CTNNA2: variants seen among roughly 807,000 people sequenced by gnomAD.
CTNNA2 encodes catenin alpha 2.
CTNNA2 carries 42 observed loss-of-function variants against 101.0 expected under a neutral mutation model. The ratio of observed to expected loss-of-function variants is 0.42; its 90% confidence interval spans 0.32 to 0.54. CTNNA2 has a LOEUF of 0.54. Ranked by LOEUF, CTNNA2 falls within the 20% of genes least tolerant of loss-of-function variation. CTNNA2 has a pLI of 0.14. For synonymous variants in CTNNA2, 450 were observed against 456.4 expected (o/e 0.99, Z 0.18); for missense variants, 871 against 1,223.1 (o/e 0.71, Z 4.29).
chr2:80,385,348 G>A (rs1391985789), intron 7 of CTNNA2, among the ~76,000 whole-genome samples: 1 of 152,070 alleles, frequency 6.6e-6, no homozygotes, highest in African/African-American at 2.4e-5. Context: ...AGACCCCAGA[G>A]GACTCCCTTG....
intron 12 of CTNNA2, among the ~76,000 whole-genome samples, chr2:80,570,691 T>A (rs1380167368): frequency 3.3e-5 from 5 of 152,118 alleles, no homozygotes; most frequent in African/African-American, 9.7e-5. Flanking sequence ...AATAAAGAAC[T>A]TGTACCCTCT....
intron 7 of CTNNA2, among the ~76,000 whole-genome samples, chr2:80,354,120 G>A (rs186065133): frequency 8.5e-5 from 13 of 152,228 alleles, no homozygotes; most frequent in African/African-American, 1.9e-4. Context: ...CTTCTTAACC[G>A]TCAACTAATG....
intron 7 of CTNNA2, among the ~76,000 whole-genome samples, chr2:80,325,296 G>A (rs1679141210): frequency 6.6e-6 from 1 of 152,126 alleles, no homozygotes; most frequent in South Asian, 2.1e-4. Context: ...AGGATTTATA[G>A]CTATGGAAAG....
chr2:80,259,646 A>G (rs17339947), intron 7 of CTNNA2, among the ~76,000 whole-genome samples: 8,954 of 152,280 alleles, frequency 0.059, 444 homozygotes, highest in South Asian at 0.28. Flanking sequence ...TGGGACATAA[A>G]GCAACTCAAG....
At chr2:79,666,694 A>G (rs1182183558) in intron 2 of CTNNA2, among the ~76,000 whole-genome samples, 3 of 152,210 alleles carry the variant, frequency 2.0e-5, no homozygotes, top group East Asian at 1.9e-4. Flanking sequence ...CTAGGTTGCA[A>G]AGTGGCTAAG....
At chr2:79,653,320 G>T (rs1417641620) in intron 2 of CTNNA2, among the ~76,000 whole-genome samples, 1 of 152,076 alleles carries the variant, frequency 6.6e-6, no homozygotes, top group Non-Finnish European at 1.5e-5. Context: ...CAGCCTTCGT[G>T]CATTTCATCC....
intron 7 of CTNNA2, among the ~76,000 whole-genome samples, chr2:80,272,301 C>T (rs1673555726): frequency 6.6e-6 from 1 of 152,176 alleles, no homozygotes; most frequent in Admixed American, 6.5e-5. Flanking sequence ...GAAACTCACT[C>T]CGGGGATGAA....
Position 80,302,613 on chromosome 2 carries a change from C to A in CTNNA2, c.1057-90598C>A, listed in dbSNP as rs146172396. On this transcript the variant is annotated intron_variant, in intron 7 of 18. Coordinates refer to ENST00000402739, the MANE Select transcript of CTNNA2 (RefSeq NM_001282597.3). This position sits in a 1 kb window ranked among gnomAD's most constrained non-coding sequence, Gnocchi z 6.4. Reference sequence around the variant, plus strand: ...ACGGTGGCAGGCTCGAATGTGCCGTCGTGCTGCCCCTCCCCGCCGTCCGCG... The same window carrying A: ...ACGGTGGCAGGCTCGAATGTGCCGTAGTGCTGCCCCTCCCCGCCGTCCGCG... 890 of 1,605,590 alleles carry A rather than the reference C, an allele frequency of 5.5e-4. 12 individuals are homozygous for A. In the East Asian group the frequency reaches 0.013, roughly 24 times the overall value.
chr2:79,636,187 G>A (rs1172736933), intron 1 of CTNNA2, among the ~76,000 whole-genome samples: 5 of 148,398 alleles, frequency 3.4e-5, no homozygotes, highest in Admixed American at 1.4e-4. Flanking sequence ...GGAGAATGGC[G>A]TGGACCCGGG....
intron 7 of CTNNA2, among the ~76,000 whole-genome samples, chr2:79,996,545 G>A (rs927389692): frequency 5.9e-5 from 9 of 152,092 alleles, no homozygotes; most frequent in Non-Finnish European, 1.3e-4. Flanking sequence ...TTTTCAAATT[G>A]CTTGACCTTT....
At chr2:80,533,475 C>G (rs991370353) in intron 9 of CTNNA2, among the ~76,000 whole-genome samples, 1 of 152,146 alleles carries the variant, frequency 6.6e-6, no homozygotes, top group African/African-American at 2.4e-5. Flanking sequence ...GCCTTGACTC[C>G]ACACTTCCAC....
At chr2:80,563,513 G>T (rs1233356149) in intron 12 of CTNNA2, among the ~76,000 whole-genome samples, 1 of 152,174 alleles carries the variant, frequency 6.6e-6, no homozygotes, top group Non-Finnish European at 1.5e-5. Context: ...TATATGGCCA[G>T]AGTAGTCTCC....
chr2:80,556,042 T>G, intron 12 of CTNNA2, 149 bp downstream of exon 12: 1 of 492,472 alleles, frequency 2.0e-6, no homozygotes, highest in East Asian at 3.4e-5. Context: ...GTGTTCTCTT[T>G]GTTTTTTGAG....
intron 1 of CTNNA2, among the ~76,000 whole-genome samples, chr2:79,579,150 TTC>T (rs1475082201): frequency 6.6e-6 from 1 of 151,398 alleles, no homozygotes; most frequent in African/African-American, 2.4e-5. Flanking sequence ...CTTCCTTTCC[TTC>T]TCTTTTTTCT....
At chr2:80,468,201 C>T (rs1685011461) in intron 9 of CTNNA2, among the ~76,000 whole-genome samples, 1 of 151,898 alleles carries the variant, frequency 6.6e-6, no homozygotes, top group Non-Finnish European at 1.5e-5. Flanking sequence ...GTTATCAGGG[C>T]GAAGTCTTCT....
intron 7 of CTNNA2, among the ~76,000 whole-genome samples, chr2:80,262,220 G>T (rs1050880322): frequency 1.1e-4 from 16 of 151,864 alleles, no homozygotes; most frequent in Non-Finnish European, 2.9e-5. Flanking sequence ...TATATAGCTG[G>T]AGATCATATT....
intron 7 of CTNNA2, among the ~76,000 whole-genome samples, chr2:80,001,113 CT>C (rs1046661211): frequency 3.9e-5 from 6 of 151,986 alleles, no homozygotes; most frequent in African/African-American, 7.2e-5. Flanking sequence ...TTACACACAA[CT>C]TTTTTTTGTA....
chr2:80,419,796 T>G (rs1338312124), intron 9 of CTNNA2, among the ~76,000 whole-genome samples, 195 bp downstream of exon 9: 3 of 152,052 alleles, frequency 2.0e-5, no homozygotes, highest in Non-Finnish European at 2.9e-5. Context: ...TTCTTTTATC[T>G]GTCTCACAAT....
At chr2:79,210,718 C>T (rs1674160406) in intron 2 of CTNNA2, among the ~76,000 whole-genome samples, 1 of 152,180 alleles carries the variant, frequency 6.6e-6, no homozygotes, top group South Asian at 2.1e-4. Context: ...CACCAAGTTA[C>T]TCCTCCAGAT....
Sources: allele counts gnomAD v4.1 joint callset (sites outside exome capture counted in the v4.1 genomes callset), GRCh38; gene constraint gnomAD v4.1.1; non-coding constraint Gnocchi (gnomAD v3.1); transcripts MANE v1.5; gene names NCBI Gene and HGNC (gene_info 2026-07-23, HGNC 2026-07-21).